Variants in VAC14 observed in about 807,000 individuals in gnomAD.
VAC14 encodes the protein protein VAC14 homolog.
In VAC14, 47 loss-of-function variants were observed where a neutral mutation model predicts 85.3. The ratio of observed to expected loss-of-function variants is 0.55; its 90% CI spans 0.44 to 0.70. The LOEUF is 0.70. VAC14 is among the 30% of genes least tolerant of loss of function. VAC14 has a pLI of 0.00. For missense variants in VAC14, 861 were observed against 1,004.3 expected (o/e 0.86, Z 1.93); for synonymous variants, 447 against 430.5 (o/e 1.04, Z -0.47).
Position 70,744,587 on chromosome 16 carries a change from G to C in VAC14, c.1372-8C>G. 1 of 1,585,964 alleles carries C rather than the reference G, an allele frequency of 6.3e-7. No homozygotes were observed. Among genetic ancestry groups the C allele is most frequent in the East Asian group, 2.2e-5 (1 of 44,694 alleles). ...CAGGTCCTTCAGGATCACCTGGGGA[G>C]AGAAGCGGGGCAGGAGGGATGAGCT... On this transcript the variant is annotated splice_polypyrimidine_tract_variant and splice_region_variant and intron_variant, in intron 12 of 18. Transcript: ENST00000261776.
At chr16:70,768,698 G>A (rs765926607) in intron 10 of VAC14, 14 of 395,128 alleles carry the variant, frequency 3.5e-5, no homozygotes, top group South Asian at 1.3e-4. Context: ...CCTGTGTTTC[G>A]GTCCAAGTGA....
intron 1 of VAC14, among the ~76,000 whole-genome samples, chr16:70,792,426 G>A (rs2034380058): frequency 6.6e-6 from 1 of 152,212 alleles, no homozygotes; most frequent in Non-Finnish European, 1.5e-5. Flanking sequence ...GGACATCGCT[G>A]TCTTATACAC....
chr16:70,693,160 G>A (rs997689351), intron 17 of VAC14, among the ~76,000 whole-genome samples, 189 bp from the exon 18 acceptor site: 2 of 152,186 alleles, frequency 1.3e-5, no homozygotes, highest in Non-Finnish European at 2.9e-5. Context: ...CTCCTTCACA[G>A]CCAGTCGCGC....
At chr16:70,734,758 T>C (rs2054697882) in intron 13 of VAC14, among the ~76,000 whole-genome samples, 2 of 150,814 alleles carry the variant, frequency 1.3e-5, no homozygotes, top group Admixed American at 1.3e-4. Flanking sequence ...CCTTCACACA[T>C]AGTATCTAAC....
chr16:70,726,952 G>T (rs2054446956), intron 14 of VAC14, among the ~76,000 whole-genome samples: 1 of 152,210 alleles, frequency 6.6e-6, no homozygotes, highest in African/African-American at 2.4e-5. Flanking sequence ...CACTGACTCC[G>T]ACATGGAGGT....
At chr16:70,780,646 TGC>T in intron 9 of VAC14, 142 bp downstream of exon 9, 1 of 1,057,928 alleles carries the variant, frequency 9.5e-7, no homozygotes, top group Non-Finnish European at 1.3e-6. Context: ...CTGCTGCCAC[TGC>T]GCTGGGTTGC....
intron 14 of VAC14, among the ~76,000 whole-genome samples, chr16:70,717,051 A>G (rs2054182314): frequency 1.3e-5 from 2 of 152,204 alleles, no homozygotes; most frequent in African/African-American, 4.8e-5. Context: ...CCAGACCACC[A>G]GGTCCACACC....
At position 70,742,264 on chromosome 16, in the gene VAC14, C is replaced by A. The variant is rs191288260; in HGVS notation, c.1528+2159G>T. 2.4e-4 allele frequency among the ~76,000 whole-genome samples: 37 copies of A among 152,292 alleles called. No individual in the cohort carries two copies. In the East Asian group the frequency reaches 7.2e-3, roughly 29 times the overall value. On this transcript the variant is annotated intron_variant, in intron 13 of 18. Coordinates refer to ENST00000261776, the MANE Select transcript of VAC14 (RefSeq NM_018052.5). The stretch of plus-strand genomic sequence containing the variant: ...ACCCCCAGGGACCCTTTGCCCAGGC[C>A]TCCTCCCTGCAGGATGCCTCCTCTT...
At chr16:70,761,848 C>T (rs777978296) in intron 12 of VAC14, among the ~76,000 whole-genome samples, 1 of 152,222 alleles carries the variant, frequency 6.6e-6, no homozygotes, top group African/African-American at 2.4e-5. Context: ...GCTAACTGAG[C>T]GTGCAGCAGG....
At chr16:70,797,284 A>T (rs1049031883) in intron 1 of VAC14, among the ~76,000 whole-genome samples, 1 of 152,140 alleles carries the variant, frequency 6.6e-6, no homozygotes, top group Non-Finnish European at 1.5e-5. Context: ...TTCTTACATC[A>T]CATCACTCTG....
rs1054891196 is a variant in VAC14 at position 70,755,832 on chromosome 16, G to A, written c.1371+6708C>T. On this transcript the variant is annotated intron_variant, in intron 12 of 18. Transcript: ENST00000261776. ...CCCCCATTTTGGGGTAGACACTGAG[G>A]GATGGCAGTAACAGCTCCTCTCTTT... is the stretch of plus-strand genomic sequence containing the variant. 3.9e-5 allele frequency among the ~76,000 whole-genome samples: 6 copies of A among 152,322 alleles called. No homozygotes were observed. The Middle Eastern group carries it at 0.017, about 432-fold the overall frequency.
chr16:70,776,026 C>T (rs1478680495), intron 9 of VAC14, among the ~76,000 whole-genome samples: 1 of 152,120 alleles, frequency 6.6e-6, no homozygotes, highest in Non-Finnish European at 1.5e-5. Context: ...GTACCTATAC[C>T]CTAAGCTTGC....
intron 1 of VAC14, among the ~76,000 whole-genome samples, chr16:70,790,294 G>A (rs2034277871): frequency 6.6e-6 from 1 of 152,164 alleles, no homozygotes; most frequent in South Asian, 2.1e-4. Context: ...TGGTTAGGAT[G>A]AGGCTGAACA....
intron 12 of VAC14, among the ~76,000 whole-genome samples, chr16:70,748,285 T>C (rs1440132671): frequency 6.6e-6 from 1 of 152,112 alleles, no homozygotes; most frequent in Non-Finnish European, 1.5e-5. Context: ...CTGTGCTGGG[T>C]ATAAGAGACA....
chr16:70,690,342 C>T (rs956348771), intron 18 of VAC14: 1 of 985,670 alleles, frequency 1.0e-6, no homozygotes, highest in African/African-American at 1.7e-5. Context: ...GATGGCTGCT[C>T]TCAGGCCCTG....
At position 70,785,740 on chromosome 16, in the gene VAC14, G is replaced by A; in HGVS notation, c.385C>T (p.Leu129=). The change falls in exon 3 of 19, where the codon CTG becomes TTG. Residue 129 remains leucine, a synonymous_variant. Transcript: ENST00000261776. ...TCAAAGAGCACGTTGAAGTGGGGCA[G>A]CACAGCGCCCCGGGCCACCTTGACG... ...NIVKVARGAV[L]PHFNVLFDGL... is the part of the protein sequence containing the mutation. The A allele has an allele frequency of 6.4e-7, 1 of 1,569,744 alleles. No homozygotes were observed. Among genetic ancestry groups the A allele is most frequent in the Non-Finnish European group, 8.6e-7 (1 of 1,156,282 alleles).
chr16:70,772,868 T>C (rs1238049082), intron 9 of VAC14: 1 of 152,228 alleles, frequency 6.6e-6, no homozygotes, highest in Non-Finnish European at 1.5e-5. Flanking sequence ...AGGTGTGGTA[T>C]AGCCATACAA....
intron 14 of VAC14, among the ~76,000 whole-genome samples, chr16:70,706,496 A>G (rs937975036): frequency 5.9e-5 from 9 of 152,074 alleles, no homozygotes; most frequent in Non-Finnish European, 1.3e-4. Context: ...CTGACCATGC[A>G]CAGAGGGGCG....
chr16:70,761,219 A>G (rs1351588116), intron 12 of VAC14: 2 of 455,520 alleles, frequency 4.4e-6, no homozygotes, highest in East Asian at 1.4e-4. Flanking sequence ...GCCTGGCACC[A>G]GCCCAGGGAA....
Sources: allele counts gnomAD v4.1 joint callset (sites outside exome capture counted in the v4.1 genomes callset), GRCh38; gene constraint gnomAD v4.1.1; transcripts MANE v1.5; gene names NCBI Gene and HGNC (gene_info 2026-07-23, HGNC 2026-07-21).